Variants in THSD7B observed in about 807,000 individuals in gnomAD.
THSD7B encodes thrombospondin type-1 domain-containing protein 7B.
Under a neutral mutation model 213.6 loss-of-function variants are expected in THSD7B, and 138 were observed. The observed-to-expected ratio is 0.65, with a 90% CI of 0.56 to 0.74. THSD7B has a LOEUF of 0.74. Among genes scored for constraint, THSD7B ranks in the 30% least tolerant of loss-of-function variants. The probability of loss-of-function intolerance (pLI) is 0.00; values close to 1 mark genes in which losing one functional copy is unlikely to be tolerated. For synonymous variants in THSD7B, 742 were observed against 687.0 expected, an observed-to-expected ratio of 1.08 and a Z score of -1.25; for missense variants, 1,931 against 1,991.5, an observed-to-expected ratio of 0.97 and a Z score of 0.58.
intron 2 of THSD7B, among the ~76,000 whole-genome samples, chr2:137,055,172 G>A (rs950359933): frequency 1.3e-5 from 2 of 152,102 alleles, no homozygotes; most frequent in South Asian, 2.1e-4. Context: ...TTCTTTATCC[G>A]GTCTATAATT....
chr2:137,206,497 G>C (rs1680986945), intron 7 of THSD7B, among the ~76,000 whole-genome samples: 1 of 151,980 alleles, frequency 6.6e-6, no homozygotes. Flanking sequence ...ACATTATCAG[G>C]GGGTCCCATA....
At chr2:137,246,412 C>A (rs1361127497) in intron 10 of THSD7B, among the ~76,000 whole-genome samples, 1 of 152,138 alleles carries the variant, frequency 6.6e-6, no homozygotes, top group East Asian at 1.9e-4. Context: ...ATGAAAATCT[C>A]AAACCACGTT....
At chr2:136,942,566 C>A (rs1421194033) in intron 2 of THSD7B, among the ~76,000 whole-genome samples, 4 of 152,052 alleles carry the variant, frequency 2.6e-5, no homozygotes, top group East Asian at 1.9e-4. Context: ...GGTCCTTCAC[C>A]TCCCTTGTAA....
intron 14 of THSD7B, among the ~76,000 whole-genome samples, chr2:137,417,319 T>C (rs1044604876): frequency 1.9e-4 from 29 of 152,230 alleles, no homozygotes; most frequent in African/African-American, 7.0e-4. Context: ...CAAGTTTATT[T>C]TGGTTGAGCT....
chr2:137,102,592 C>A (rs968785875), intron 4 of THSD7B, among the ~76,000 whole-genome samples: 4 of 152,128 alleles, frequency 2.6e-5, no homozygotes, highest in Admixed American at 1.3e-4. Flanking sequence ...AAACTCCTCC[C>A]AGCTAAAGGA....
chr2:137,495,864 CAAAACTCCAG>C (rs1311025445), intron 15 of THSD7B, among the ~76,000 whole-genome samples: 11 of 152,134 alleles, frequency 7.2e-5, no homozygotes, highest in African/African-American at 2.7e-4. Flanking sequence ...AACTAGCAAT[CAAAACTCCAG>C]TTCTACCCCC....
intron 1 of THSD7B, among the ~76,000 whole-genome samples, chr2:136,771,088 A>G (rs915379204): frequency 1.3e-5 from 2 of 152,200 alleles, no homozygotes; most frequent in African/African-American, 4.8e-5. Context: ...GAGTAGTTCA[A>G]CAAGGCTTCT....
chr2:137,488,738 T>C (rs1688531396), intron 15 of THSD7B, among the ~76,000 whole-genome samples: 1 of 152,228 alleles, frequency 6.6e-6, no homozygotes, highest in African/African-American at 2.4e-5. Flanking sequence ...ACTTGTATCT[T>C]GCCTGAGAGA....
intron 15 of THSD7B, among the ~76,000 whole-genome samples, chr2:137,552,775 A>T (rs781667273): frequency 5.3e-5 from 8 of 152,236 alleles, no homozygotes; most frequent in Non-Finnish European, 1.2e-4. Context: ...CAGTCAGACC[A>T]ATCAGAATGG....
At chr2:136,805,119 T>A (rs1447506631) in intron 1 of THSD7B, among the ~76,000 whole-genome samples, 1 of 152,220 alleles carries the variant, frequency 6.6e-6, no homozygotes, top group Non-Finnish European at 1.5e-5. Context: ...TATAAGTGAT[T>A]CCATACAGTT....
intron 2 of THSD7B, among the ~76,000 whole-genome samples, chr2:136,997,681 G>T (rs1248314932): frequency 6.6e-6 from 1 of 152,162 alleles, no homozygotes; most frequent in African/African-American, 2.4e-5. Flanking sequence ...TTGTGTCCTA[G>T]TTTCCTCCCT....
chr2:136,851,870 C>G (rs1359093694), intron 1 of THSD7B, among the ~76,000 whole-genome samples: 1 of 151,712 alleles, frequency 6.6e-6, no homozygotes, highest in African/African-American at 2.4e-5. Flanking sequence ...ATTTCAAAAT[C>G]AGTGACAAAG....
chr2:137,390,000 T>C (rs2104976796), intron 12 of THSD7B, among the ~76,000 whole-genome samples: 1 of 152,314 alleles, frequency 6.6e-6, no homozygotes, highest in East Asian at 1.9e-4. Context: ...CCAGCTTTGT[T>C]CTTTTTGCTC....
At chr2:137,668,117 G>T (rs190892437) in intron 27 of THSD7B, among the ~76,000 whole-genome samples, 1 of 152,004 alleles carries the variant, frequency 6.6e-6, no homozygotes, top group Admixed American at 6.6e-5. Flanking sequence ...TTTTGATTTC[G>T]ATCAGTAGTT....
intron 2 of THSD7B, among the ~76,000 whole-genome samples, chr2:137,032,293 A>G (rs1227490378): frequency 6.6e-6 from 1 of 152,198 alleles, no homozygotes; most frequent in Non-Finnish European, 1.5e-5. Flanking sequence ...TCTGGTACAT[A>G]GATGCTTCAC....
At chr2:136,782,242 GGT>G (rs2104907217) in intron 1 of THSD7B, among the ~76,000 whole-genome samples, 1 of 152,236 alleles carries the variant, frequency 6.6e-6, no homozygotes, top group Admixed American at 6.5e-5. Flanking sequence ...CGCCAGAAGA[GGT>G]GTGCGCTTCT....
chr2:136,866,538 T>C (rs1683335967), intron 1 of THSD7B, among the ~76,000 whole-genome samples: 2 of 152,344 alleles, frequency 1.3e-5, no homozygotes, highest in South Asian at 2.1e-4. Flanking sequence ...TGGGGGTTAT[T>C]TGAAGAAACT....
chr2:137,631,024 C>A (rs931155632), intron 20 of THSD7B, among the ~76,000 whole-genome samples: 1 of 152,208 alleles, frequency 6.6e-6, no homozygotes, highest in Non-Finnish European at 1.5e-5. Flanking sequence ...AGAACTACAA[C>A]GATCTGAGGG....
intron 15 of THSD7B, among the ~76,000 whole-genome samples, chr2:137,485,450 TATC>T (rs1573653938): frequency 1.3e-5 from 2 of 152,286 alleles, no homozygotes; most frequent in East Asian, 1.9e-4. Context: ...TGAAGTCAGG[TATC>T]ATGATGCCTC....
Sources: gnomAD v4.1 joint callset for allele counts (sites outside exome capture counted in the v4.1 genomes callset) on GRCh38, gnomAD v4.1.1 for gene constraint, MANE v1.5 for transcripts, NCBI Gene and HGNC (gene_info 2026-07-23, HGNC 2026-07-21) for gene names.